AAMDC: variants seen among roughly 807,000 people sequenced by gnomAD.
The protein encoded by AAMDC is adipogenesis associated Mth938 domain containing, also known as mth938 domain-containing protein.
Under a neutral mutation model 15.5 loss-of-function variants are expected in AAMDC, and 16 were observed. That is an observed-to-expected ratio of 1.03 (90% confidence interval 0.70 to 1.57). The LOEUF (loss-of-function observed/expected upper bound fraction) is 1.57, where lower values mean the gene tolerates loss of function less well. Among genes scored for constraint, AAMDC ranks in the 40% most tolerant of loss-of-function variants. AAMDC has a pLI of 0.00. For synonymous variants in AAMDC, 51 were observed against 51.6 expected (o/e 0.99, Z 0.05); for missense variants, 141 against 144.9 (o/e 0.97, Z 0.14).
chr11:77,878,768 T>C (rs758541667), intron 5 of AAMDC: 1 of 693,566 alleles, frequency 1.4e-6, no homozygotes, highest in South Asian at 1.6e-5. Flanking sequence ...TAAGTAGACT[T>C]GAAGGTTTTT....
chr11:77,888,717 C>G lies in AAMDC; in HGVS notation c.328+11668C>G, dbSNP rs1952127475. 2.6e-5 allele frequency among the ~76,000 whole-genome samples: 4 copies of G among 152,020 alleles called. No homozygotes were observed. The South Asian group carries it at 6.2e-4, about 24-fold the overall frequency. The stretch of plus-strand genomic sequence containing the variant: ...ATCCAGAATCTACAATGAACTCAAA[C>G]AAATTTACAAGAAAAAAACAAACAA... On this transcript the variant is annotated intron_variant, in intron 5 of 5. Coordinates refer to the AAMDC transcript ENST00000304716.
chr11:77,841,420 G>A (rs1382793353), intron 1 of AAMDC, among the ~76,000 whole-genome samples: 4 of 152,152 alleles, frequency 2.6e-5, no homozygotes, highest in South Asian at 2.1e-4. Context: ...TCTCCTTGGT[G>A]TGTATATAGC....
At chr11:77,900,224 C>T (rs1252400057) in intron 5 of AAMDC, among the ~76,000 whole-genome samples, 3 of 151,964 alleles carry the variant, frequency 2.0e-5, no homozygotes, top group Admixed American at 1.3e-4. Flanking sequence ...CTCAGCCTCC[C>T]GAGTAGCTGG....
chr11:77,824,192 G>C (rs1278149511), intron 1 of AAMDC, among the ~76,000 whole-genome samples: 2 of 152,178 alleles, frequency 1.3e-5, no homozygotes, highest in Non-Finnish European at 2.9e-5. Flanking sequence ...GCTTTCCTGG[G>C]CTAAGAGAAA....
intron 2 of AAMDC, chr11:77,869,185 G>C (rs1465555776): frequency 4.4e-6 from 1 of 228,480 alleles, no homozygotes; most frequent in Non-Finnish European, 8.8e-6. Flanking sequence ...CTTTCCCTTT[G>C]TATTTGTCAT....
intron 5 of AAMDC, chr11:77,900,552 T>C: frequency 4.6e-6 from 1 of 216,976 alleles, no homozygotes; most frequent in South Asian, 9.1e-5. Context: ...TCTATGGCAC[T>C]TTTTTTTTTT....
chr11:77,829,978 T>C (rs1219480061), intron 1 of AAMDC: 1 of 152,054 alleles, frequency 6.6e-6, no homozygotes, highest in Non-Finnish European at 1.5e-5. Context: ...CAAAATTCTT[T>C]TTTATAGCCA....
chr11:77,880,714 T>A (rs1951759387), intron 5 of AAMDC, among the ~76,000 whole-genome samples: 1 of 152,128 alleles, frequency 6.6e-6, no homozygotes, highest in Admixed American at 6.5e-5. Context: ...TCCCAGCACT[T>A]TGGGAGGGCA....
intron 5 of AAMDC, among the ~76,000 whole-genome samples, chr11:77,884,400 C>G (rs572329767): frequency 6.6e-6 from 1 of 152,136 alleles, no homozygotes; most frequent in Admixed American, 6.5e-5. Context: ...TCTCTCTCTA[C>G]GGAGAGACGG....
At chr11:77,904,711 A>C (rs1202052263), downstream of AAMDC, among the ~76,000 whole-genome samples, 2 of 152,192 alleles carry the variant, frequency 1.3e-5, no homozygotes, top group East Asian at 1.9e-4. Flanking sequence ...TGTAGTCAGA[A>C]AGCAGAATTA....
intron 2 of AAMDC, among the ~76,000 whole-genome samples, chr11:77,865,024 T>C (rs1398214510): frequency 2.0e-5 from 3 of 152,132 alleles, no homozygotes; most frequent in African/African-American, 7.2e-5. Flanking sequence ...TAGTTCTTAC[T>C]CTCTCCTTCT....
intron 5 of AAMDC, chr11:77,884,007 A>G (rs905202438): frequency 1.9e-6 from 3 of 1,566,152 alleles, no homozygotes; most frequent in African/African-American, 1.4e-5. Flanking sequence ...ATTTAACAAA[A>G]TGGATGATGA....
downstream of AAMDC, chr11:77,901,482 G>A (rs747752113): frequency 6.8e-6 from 11 of 1,612,868 alleles, no homozygotes; most frequent in Non-Finnish European, 8.5e-6. Context: ...CTCATGTGAT[G>A]TATAATCACC....
chr11:77,837,705 G>T (rs1250677725), intron 1 of AAMDC, among the ~76,000 whole-genome samples: 2 of 152,114 alleles, frequency 1.3e-5, no homozygotes, highest in Non-Finnish European at 2.9e-5. Context: ...CAAAGTGCTG[G>T]GATTACAGGC....
At chr11:77,847,562 G>A (rs1246487683) in intron 2 of AAMDC, among the ~76,000 whole-genome samples, 2 of 152,202 alleles carry the variant, frequency 1.3e-5, no homozygotes, top group Non-Finnish European at 2.9e-5. Context: ...TGGAGATATA[G>A]AAGGGACAGA....
At chr11:77,884,184 G>GA (rs1354379285) in intron 5 of AAMDC, among the ~76,000 whole-genome samples, 1 of 152,186 alleles carries the variant, frequency 6.6e-6, no homozygotes, top group African/African-American at 2.4e-5. Flanking sequence ...AATATGAACA[G>GA]AGTGTCTCTA....
At chr11:77,851,931 A>C (rs1950400771) in intron 2 of AAMDC, among the ~76,000 whole-genome samples, 1 of 152,190 alleles carries the variant, frequency 6.6e-6, no homozygotes, top group Non-Finnish European at 1.5e-5. Context: ...CTGTGATCCA[A>C]CAAATTATAA....
At chr11:77,886,003 C>A (rs147208562) in intron 5 of AAMDC, among the ~76,000 whole-genome samples, 1 of 151,616 alleles carries the variant, frequency 6.6e-6, no homozygotes, top group African/African-American at 2.4e-5. Flanking sequence ...GAGTTTAAGA[C>A]GAGACTGGGC....
chr11:77,850,339 A>G (rs982093061), intron 2 of AAMDC, among the ~76,000 whole-genome samples: 3 of 152,206 alleles, frequency 2.0e-5, no homozygotes, highest in South Asian at 2.1e-4. Context: ...CCAGGGTCAC[A>G]TAACTAATAA....
Sources: gnomAD v4.1 joint callset for allele counts (sites outside exome capture counted in the v4.1 genomes callset) on GRCh38, gnomAD v4.1.1 for gene constraint, MANE v1.5 for transcripts, NCBI Gene and HGNC (gene_info 2026-07-23, HGNC 2026-07-21) for gene names.